Variants in MEF2C observed in about 807,000 individuals in gnomAD.
MEF2C encodes myocyte enhancer factor 2C.
Under a neutral mutation model 50.5 loss-of-function variants are expected in MEF2C, and 6 were observed. The ratio of observed to expected loss-of-function variants is 0.12; its 90% CI spans 0.07 to 0.23. The LOEUF is 0.23. MEF2C is among the 10% of genes least tolerant of loss of function. The pLI, the probability that MEF2C is intolerant of heterozygous loss-of-function variation, is 1.00. For missense variants in MEF2C, 276 were observed against 605.0 expected, an observed-to-expected ratio of 0.46 and a Z score of 5.70; for synonymous variants, 183 against 228.0, an observed-to-expected ratio of 0.80 and a Z score of 1.78.
chr5:88,804,149 A>G (rs1385651884), intron 3 of MEF2C, among the ~76,000 whole-genome samples: 1 of 152,202 alleles, frequency 6.6e-6, no homozygotes, highest in Non-Finnish European at 1.5e-5. Context: ...AAATCGAAAA[A>G]CTGAAAGTGT....
rs77772195 is a variant in MEF2C, at chr5:88,756,639, T to C, written c.402+4546A>G. 6.6e-3 allele frequency among the ~76,000 whole-genome samples: 1,011 copies of C among 152,302 alleles called. 10 individuals are homozygous for C. Among genetic ancestry groups the C allele is most frequent in the African/African-American group, 0.024 (984 of 41,552 alleles). ...TTTTCTTATCTAAGGCATGAAATGG[T>C]TGTATCTATGAAGAGATGAAGCTGC... On this transcript the variant is annotated intron_variant, in intron 4 of 10. Transcript: ENST00000504921.
At chr5:88,887,343 G>T (rs1269242439), upstream of MEF2C, 1 of 152,174 alleles carries the variant, frequency 6.6e-6, no homozygotes, top group East Asian at 1.9e-4. Context: ...TAAGCAAAAT[G>T]ATATGTCATT....
At chr5:88,854,764 A>T (rs936635913) in intron 1 of MEF2C, among the ~76,000 whole-genome samples, 41 of 152,188 alleles carry the variant, frequency 2.7e-4, no homozygotes, top group African/African-American at 9.7e-4. Context: ...TTTGTACATT[A>T]TTTCCATTTT....
chr5:88,757,275 T>A (rs1056452758), intron 4 of MEF2C, among the ~76,000 whole-genome samples: 4 of 152,196 alleles, frequency 2.6e-5, no homozygotes, highest in Non-Finnish European at 5.9e-5. Context: ...ATAAAATAGT[T>A]AAAGTAAAAT....
At chr5:88,742,628 T>C in intron 6 of MEF2C, 2 of 985,400 alleles carry the variant, frequency 2.0e-6, no homozygotes, top group South Asian at 4.7e-5. Flanking sequence ...CTTTTTTTCC[T>C]CTGGAAATCA....
In MEF2C at chr5:88,877,362, T is replaced by C. The variant is rs138361544; in HGVS notation, c.-143+5593A>G. On this transcript the variant is annotated intron_variant, in intron 1 of 10. Transcript: ENST00000504921. ...ATGAATTATGGCGATGACAAATAAA[T>C]GTTACTCATATCACCTAAAACTAAA... Among the ~76,000 whole-genome samples, 669 of 152,110 alleles carry C rather than the reference T, an allele frequency of 4.4e-3. 7 individuals carry two copies. The highest frequency in any genetic ancestry group is 0.015 in the African/African-American group (636 of 41,556).
intron 1 of MEF2C, among the ~76,000 whole-genome samples, chr5:88,851,149 C>G (rs1433272293): frequency 6.7e-6 from 1 of 148,604 alleles, no homozygotes. Context: ...AGAAGAATCA[C>G]TTGAACCCGG....
chr5:88,837,682 TATC>T (rs1275937297), intron 1 of MEF2C, among the ~76,000 whole-genome samples: 1 of 152,152 alleles, frequency 6.6e-6, no homozygotes, highest in Non-Finnish European at 1.5e-5. Context: ...CTCACAAAAG[TATC>T]ATCCTACAGA....
At chr5:88,901,718 A>G (rs1835671490) in intron 1 of MEF2C, among the ~76,000 whole-genome samples, 1 of 152,002 alleles carries the variant, frequency 6.6e-6, no homozygotes, top group Non-Finnish European at 1.5e-5. Context: ...GAGTTGGCAT[A>G]GGTTTTTTTG....
chr5:88,848,154 A>T (rs142493629), intron 1 of MEF2C, among the ~76,000 whole-genome samples: 1 of 152,316 alleles, frequency 6.6e-6, no homozygotes, highest in East Asian at 1.9e-4. Context: ...TAAAAAGATG[A>T]TATAGAATAA....
At chr5:88,727,339 A>T (rs534420499) in intron 10 of MEF2C, among the ~76,000 whole-genome samples, 2 of 152,320 alleles carry the variant, frequency 1.3e-5, no homozygotes, top group South Asian at 4.1e-4. Context: ...TTTCAATGAC[A>T]GTGATTAGCG....
intron 6 of MEF2C, chr5:88,748,696 A>G: frequency 2.3e-6 from 2 of 879,042 alleles, no homozygotes; most frequent in Non-Finnish European, 2.7e-6. Context: ...GAAGTTCAAT[A>G]CTTCTTTGGC....
intron 1 of MEF2C, among the ~76,000 whole-genome samples, chr5:88,857,697 T>C (rs1823968816): frequency 6.6e-6 from 1 of 152,184 alleles, no homozygotes; most frequent in South Asian, 2.1e-4. Flanking sequence ...GCTTACTCCT[T>C]CGCTCAAAAC....
At chr5:88,852,103 C>T (rs1270570100) in intron 1 of MEF2C, among the ~76,000 whole-genome samples, 1 of 152,074 alleles carries the variant, frequency 6.6e-6, no homozygotes, top group Non-Finnish European at 1.5e-5. Flanking sequence ...TTACTGCTAT[C>T]ATTATAGACA....
At chr5:88,836,685 T>G (rs1219711288) in intron 1 of MEF2C, among the ~76,000 whole-genome samples, 1 of 152,194 alleles carries the variant, frequency 6.6e-6, no homozygotes, top group Non-Finnish European at 1.5e-5. Context: ...AGGAGGCTCC[T>G]TATCTCAGCA....
chr5:88,818,637 C>A (rs759645084), intron 2 of MEF2C, among the ~76,000 whole-genome samples: 1 of 151,904 alleles, frequency 6.6e-6, no homozygotes, highest in Non-Finnish European at 1.5e-5. Context: ...CCTCTGCAAA[C>A]GTCCTGTGTG....
intron 2 of MEF2C, 36 bp downstream of exon 2, chr5:88,823,699 A>C (rs1375528372): frequency 1.3e-6 from 2 of 1,528,020 alleles, no homozygotes; most frequent in Non-Finnish European, 1.8e-6. Context: ...AATATAATTA[A>C]TAAATAATGA....
intron 2 of MEF2C, among the ~76,000 whole-genome samples, chr5:88,808,172 A>G (rs1227585237): frequency 6.6e-6 from 1 of 152,196 alleles, no homozygotes; most frequent in East Asian, 1.9e-4. Flanking sequence ...ATGTCTTTTA[A>G]TATTTCTTTT....
intron 1 of MEF2C, among the ~76,000 whole-genome samples, chr5:88,830,225 T>C (rs1812501655): frequency 6.6e-6 from 1 of 151,968 alleles, no homozygotes; most frequent in Non-Finnish European, 1.5e-5. Context: ...ATACATCAAT[T>C]TTCCCCATGA....
Sources: allele counts gnomAD v4.1 joint callset (sites outside exome capture counted in the v4.1 genomes callset), GRCh38; gene constraint gnomAD v4.1.1; transcripts MANE v1.5; gene names NCBI Gene and HGNC (gene_info 2026-07-23, HGNC 2026-07-21).